The following RBFOX1 variants were observed in gnomAD, a reference collection of about 807,000 sequenced individuals.
RBFOX1 encodes the protein RNA binding protein fox-1 homolog 1.
Under a neutral mutation model 57.7 loss-of-function variants are expected in RBFOX1, and 8 were observed. The ratio of observed to expected loss-of-function variants is 0.14; its 90% confidence interval spans 0.08 to 0.25. RBFOX1 has a LOEUF of 0.25. RBFOX1 is among the 10% of genes least tolerant of loss of function. RBFOX1 has a pLI of 1.00. For missense variants in RBFOX1, 611 were observed against 548.5 expected, an observed-to-expected ratio of 1.11 and a Z score of -1.14; for synonymous variants, 326 against 222.4, an observed-to-expected ratio of 1.47 and a Z score of -4.15.
intron 12 of RBFOX1, among the ~76,000 whole-genome samples, chr16:7,660,384 C>A (rs1472110159): frequency 1.3e-5 from 2 of 152,194 alleles, no homozygotes; most frequent in Admixed American, 6.5e-5. Flanking sequence ...AATGGTAACT[C>A]CCTTCTCTCC....
intron 4 of RBFOX1, among the ~76,000 whole-genome samples, chr16:7,377,357 C>T (rs763659991): frequency 6.6e-6 from 1 of 152,138 alleles, no homozygotes; most frequent in Non-Finnish European, 1.5e-5. Context: ...CGGAAGACAT[C>T]TCATTCAGAA....
chr16:6,049,272 C>G (rs1018441508), intron 1 of RBFOX1, among the ~76,000 whole-genome samples: 1 of 151,878 alleles, frequency 6.6e-6, no homozygotes, highest in Non-Finnish European at 1.5e-5. Context: ...CCATATTGGT[C>G]AGGCTGGTCT....
chr16:6,091,912 C>T (rs1355287372), intron 1 of RBFOX1, among the ~76,000 whole-genome samples: 2 of 152,304 alleles, frequency 1.3e-5, no homozygotes, highest in South Asian at 2.1e-4. Flanking sequence ...GCTTCTGCTA[C>T]TGGTCCTTAT....
At chr16:7,112,310 C>T (rs2064949673) in intron 4 of RBFOX1, among the ~76,000 whole-genome samples, 1 of 152,064 alleles carries the variant, frequency 6.6e-6, no homozygotes, top group African/African-American at 2.4e-5. Context: ...TCAAGTGATC[C>T]TCCAGCCTCA....
intron 3 of RBFOX1, among the ~76,000 whole-genome samples, chr16:5,684,798 G>A (rs2050452645): frequency 6.6e-6 from 1 of 152,174 alleles, no homozygotes; most frequent in South Asian, 2.1e-4. Flanking sequence ...GTCCTGAGCT[G>A]TGTATCTCTA....
chr16:5,539,240 A>G (rs1205691942), intron 2 of RBFOX1, among the ~76,000 whole-genome samples: 1 of 152,158 alleles, frequency 6.6e-6, no homozygotes, highest in Non-Finnish European at 1.5e-5. Context: ...CTGGGGCTTC[A>G]CAGGAATGCA....
intron 3 of RBFOX1, among the ~76,000 whole-genome samples, chr16:6,793,111 T>C (rs2083290301): frequency 6.6e-6 from 1 of 152,104 alleles, no homozygotes; most frequent in Admixed American, 6.5e-5. Context: ...CAAAAGTTCA[T>C]GGTACGCCTG....
chr16:6,469,783 C>G (rs1383755353), intron 2 of RBFOX1, among the ~76,000 whole-genome samples: 1 of 152,184 alleles, frequency 6.6e-6, no homozygotes, highest in Non-Finnish European at 1.5e-5. Context: ...TTAAGCATCT[C>G]TGTATCCAAG....
intron 1 of RBFOX1, among the ~76,000 whole-genome samples, chr16:5,255,803 C>T (rs2062578779): frequency 6.6e-6 from 1 of 152,012 alleles, no homozygotes; most frequent in Non-Finnish European, 1.5e-5. Context: ...GAGGTATCTG[C>T]TCTAGTAATT....
intron 1 of RBFOX1, among the ~76,000 whole-genome samples, chr16:5,454,836 C>A (rs1205034531): frequency 1.7e-5 from 2 of 121,208 alleles, no homozygotes; most frequent in African/African-American, 3.3e-5. Flanking sequence ...TCCTTGCTTT[C>A]TTTCCTTTCT....
At chr16:7,384,982 T>A (rs1312576069) in intron 4 of RBFOX1, among the ~76,000 whole-genome samples, 4 of 152,176 alleles carry the variant, frequency 2.6e-5, no homozygotes, top group African/African-American at 9.6e-5. Context: ...ACATTTAAGC[T>A]GAGCTCGCAA....
Position 7,453,766 on chromosome 16 carries a change from G to C in RBFOX1, c.28-64381G>C, listed in dbSNP as rs1389288977. The stretch of plus-strand genomic sequence containing the variant: ...GGAGATGGAAGTCATAGAAACCACT[G>C]ACTGAAGTGTTGGGCACCCTGATGA... On this transcript the variant is annotated intron_variant, in intron 4 of 15. Transcript: ENST00000550418. 5.9e-5 allele frequency among the ~76,000 whole-genome samples: 9 copies of C among 152,196 alleles called. 1 individual carries two copies. The highest frequency in any genetic ancestry group is 1.0e-4 in the Non-Finnish European group (7 of 68,040).
intron 14 of RBFOX1, among the ~76,000 whole-genome samples, chr16:7,706,642 A>T (rs534248246): frequency 3.9e-5 from 6 of 152,340 alleles, no homozygotes; most frequent in Admixed American, 1.3e-4. Flanking sequence ...TTGCCATAAC[A>T]TCACTTAACA....
At chr16:6,145,958 C>T (rs570343667) in intron 1 of RBFOX1, among the ~76,000 whole-genome samples, 1 of 152,272 alleles carries the variant, frequency 6.6e-6, no homozygotes, top group East Asian at 1.9e-4. Context: ...TCTATACTCT[C>T]CCAGGATCTC....
chr16:5,467,620 T>G (rs1311823233), intron 2 of RBFOX1, among the ~76,000 whole-genome samples: 4 of 152,210 alleles, frequency 2.6e-5, no homozygotes, highest in African/African-American at 9.7e-5. Context: ...TGCCACAATT[T>G]TATTAGCACT....
chr16:6,547,549 T>C (rs139181963), intron 2 of RBFOX1, among the ~76,000 whole-genome samples: 1 of 152,310 alleles, frequency 6.6e-6, no homozygotes, highest in East Asian at 1.9e-4. Flanking sequence ...ATTCATGAAA[T>C]CTTCCTCCTG....
chr16:7,001,499 G>A (rs957375850), intron 3 of RBFOX1, among the ~76,000 whole-genome samples: 1 of 151,774 alleles, frequency 6.6e-6, no homozygotes, highest in East Asian at 1.9e-4. Flanking sequence ...CTTTGTTGCC[G>A]AGGATGGAGT....
chr16:5,631,691 C>A (rs960292875), intron 3 of RBFOX1, among the ~76,000 whole-genome samples: 14 of 152,266 alleles, frequency 9.2e-5, no homozygotes, highest in African/African-American at 3.4e-4. Context: ...TTGATCATTG[C>A]CTTCCCCTAC....
At chr16:6,639,931 G>C (rs1411725387) in intron 2 of RBFOX1, among the ~76,000 whole-genome samples, 2 of 151,996 alleles carry the variant, frequency 1.3e-5, no homozygotes, top group Non-Finnish European at 2.9e-5. Flanking sequence ...AGTTATGACA[G>C]GTATTTTGAC....
Sources: allele counts gnomAD v4.1 joint callset (sites outside exome capture counted in the v4.1 genomes callset), GRCh38; gene constraint gnomAD v4.1.1; transcripts MANE v1.5; gene names NCBI Gene and HGNC (gene_info 2026-07-23, HGNC 2026-07-21).